BLNK: variants seen among roughly 807,000 people sequenced by gnomAD.
The protein encoded by BLNK is B cell linker, also known as B-cell linker protein.
BLNK carries 29 observed loss-of-function variants against 73.5 expected under a neutral mutation model. That is an observed-to-expected ratio of 0.39 (90% CI 0.29 to 0.54). The LOEUF (loss-of-function observed/expected upper bound fraction) is 0.54. Among genes scored for constraint, BLNK ranks in the 20% least tolerant of loss-of-function variants. The probability of loss-of-function intolerance (pLI) is 0.61; values close to 1 mark genes in which losing one functional copy is unlikely to be tolerated. For missense variants in BLNK, 460 were observed against 562.8 expected, an observed-to-expected ratio of 0.82 and a Z score of 1.85; for synonymous variants, 176 against 200.8, an observed-to-expected ratio of 0.88 and a Z score of 1.04.
chr10:96,246,871 G>A (rs1043007875), intron 2 of BLNK, 113 bp downstream of exon 2: 48 of 752,776 alleles, frequency 6.4e-5, no homozygotes, highest in South Asian at 5.2e-4. Context: ...GAAGGGTTAC[G>A]TGCTAAAGAG....
intron 1 of BLNK, among the ~76,000 whole-genome samples, chr10:96,265,817 T>G (rs896143459): frequency 2.0e-5 from 3 of 152,248 alleles, no homozygotes; most frequent in Non-Finnish European, 4.4e-5. Context: ...AGGGACATTT[T>G]GGGCCAGATG....
chr10:96,239,029 C>G (rs1238268940), intron 3 of BLNK: 1 of 397,900 alleles, frequency 2.5e-6, no homozygotes, highest in African/African-American at 2.1e-5. Context: ...GAGGTTGATG[C>G]TATCTTGCTG....
At chr10:96,199,414 C>A in intron 15 of BLNK, 1 of 386,678 alleles carries the variant, frequency 2.6e-6, no homozygotes, top group Non-Finnish European at 5.3e-6. Flanking sequence ...GCACATTGAT[C>A]CAAAATAGCC....
Position 96,203,885 on chromosome 10 carries a change from T to C in BLNK, c.934+172A>G, listed in dbSNP as rs1331667537. 1.8e-5 allele frequency: 9 copies of C among 488,270 alleles called. 1 individual carries two copies. In the East Asian group the frequency reaches 2.3e-4, roughly 12 times the overall value. The allele number at this position is 488,270 out of a possible 1,614,324, so 30.2% of individuals were successfully genotyped here. ...AAATATATTTACTTTTCAAAACAAC[T>C]CTGTGAAATAAACATTCTTGGCCCC... On this transcript the variant is annotated intron_variant, in intron 13 of 16. Transcript: ENST00000224337.
At chr10:96,240,782 C>T (rs1014844312) in intron 3 of BLNK, among the ~76,000 whole-genome samples, 2 of 152,332 alleles carry the variant, frequency 1.3e-5, no homozygotes, top group East Asian at 1.9e-4. Context: ...TTGGTCTACA[C>T]GACCTCTGGG....
chr10:96,206,910 T>C (rs2083826523), intron 11 of BLNK, 101 bp downstream of exon 11: 3 of 1,302,814 alleles, frequency 2.3e-6, no homozygotes, highest in Middle Eastern at 3.8e-4. Context: ...AGTTTCATGT[T>C]TACAATTGCC....
intron 8 of BLNK, 49 bp from the exon 9 acceptor site, chr10:96,209,956 T>G (rs369486553): frequency 6.3e-7 from 1 of 1,596,412 alleles, no homozygotes; most frequent in Non-Finnish European, 8.6e-7. Context: ...AGCCGGGGGC[T>G]GATGCTCACA....
chr10:96,237,992 A>G (rs1237056774), intron 3 of BLNK, among the ~76,000 whole-genome samples: 1 of 152,212 alleles, frequency 6.6e-6, no homozygotes, highest in African/African-American at 2.4e-5. Flanking sequence ...TACTCAACAG[A>G]TTTTGGATAT....
In BLNK at chr10:96,210,111, A is replaced by G. The variant is rs142000888; in HGVS notation, c.677-204T>C. On this transcript the variant is annotated intron_variant, in intron 8 of 16. Coordinates refer to ENST00000224337, the MANE Select transcript of BLNK (RefSeq NM_013314.4). ...ACACATTTTAAAAGTGTCAGTGTATAAGCTCAGAGCTGGGATGGGGGTTAG... is the reference window on the plus strand; with the variant it reads ...ACACATTTTAAAAGTGTCAGTGTATGAGCTCAGAGCTGGGATGGGGGTTAG... 8.5e-4 allele frequency: 540 copies of G among 637,102 alleles called. 2 individuals carry two copies. In the African/African-American group the frequency reaches 8.7e-3, roughly 10 times the overall value. 39.5% of individuals were successfully genotyped at this position (637,102 alleles called of 1,614,324 possible). A position where few individuals can be genotyped will look rare whatever the true frequency, so the allele number is the denominator to read the frequency against.
intron 6 of BLNK, among the ~76,000 whole-genome samples, chr10:96,221,443 G>A (rs2084195071): frequency 6.6e-6 from 1 of 152,080 alleles, no homozygotes; most frequent in Non-Finnish European, 1.5e-5. Flanking sequence ...TCTTAATGTT[G>A]GCTTCTGTTT....
chr10:96,256,725 A>G (rs1554911271), intron 1 of BLNK, among the ~76,000 whole-genome samples: 4 of 152,136 alleles, frequency 2.6e-5, no homozygotes, highest in African/African-American at 9.7e-5. Flanking sequence ...TACTAAAAAT[A>G]GAAAAATCGG....
intron 2 of BLNK, among the ~76,000 whole-genome samples, chr10:96,244,506 C>G (rs1902709): frequency 0.98 from 148,708 of 152,274 alleles, 72,705 homozygotes; most frequent in East Asian, 1. Context: ...ACACTTCATG[C>G]TCCTTATTTT....
intron 3 of BLNK, 116 bp downstream of exon 3, chr10:96,242,619 A>G (rs1364298999): frequency 3.8e-6 from 4 of 1,052,660 alleles, no homozygotes; most frequent in Non-Finnish European, 5.9e-6. Flanking sequence ...TGAAATTAGA[A>G]AAGATACCTT....
intron 1 of BLNK, among the ~76,000 whole-genome samples, chr10:96,252,486 T>C (rs568273593): frequency 6.6e-6 from 1 of 152,266 alleles, no homozygotes; most frequent in South Asian, 2.1e-4. Context: ...AAATACCTGT[T>C]TGGGGGAAAA....
At chr10:96,256,285 T>C (rs1843505450) in intron 1 of BLNK, among the ~76,000 whole-genome samples, 1 of 152,226 alleles carries the variant, frequency 6.6e-6, no homozygotes, top group Admixed American at 6.5e-5. Flanking sequence ...CTCTGTAATG[T>C]TTTCCTTGGC....
In BLNK at chr10:96,189,424, T is replaced by G; in HGVS notation, c.*2549A>C. On this transcript the variant is annotated 3_prime_UTR_variant, in exon 17 of 17. Transcript: ENST00000224337. ...TCCTGGTCAGTTGTCCGGAAGCAAT[T>G]CTTCACATAATTGATGAACTTGGCT... 1.7e-6 allele frequency: 1 copy of G among 603,406 alleles called. No individual in the cohort carries two copies. The highest frequency in any genetic ancestry group is 3.1e-6 in the Non-Finnish European group (1 of 317,992). 37.4% of individuals were successfully genotyped at this position (603,406 alleles called of 1,614,324 possible).
At chr10:96,218,196 G>A (rs1554900267) in intron 6 of BLNK, among the ~76,000 whole-genome samples, 1 of 152,156 alleles carries the variant, frequency 6.6e-6, no homozygotes, top group Admixed American at 6.6e-5. Flanking sequence ...CACCTGCCCT[G>A]GTGGGCAGCC....
chr10:96,203,899 A>G, intron 13 of BLNK, 158 bp downstream of exon 13: 3 of 530,974 alleles, frequency 5.6e-6, no homozygotes, highest in South Asian at 3.6e-5. Context: ...TGAAATAAAC[A>G]TTCTTGGCCC....
intron 3 of BLNK, chr10:96,238,930 G>A (rs1482664652): frequency 5.1e-6 from 2 of 391,740 alleles, no homozygotes; most frequent in Non-Finnish European, 9.0e-6. Context: ...TTTACATTCA[G>A]ATCCCCTGGA....
Sources: allele counts gnomAD v4.1 joint callset (sites outside exome capture counted in the v4.1 genomes callset), GRCh38; gene constraint gnomAD v4.1.1; transcripts MANE v1.5; gene names NCBI Gene and HGNC (gene_info 2026-07-23, HGNC 2026-07-21).